The following RIC1 variants were observed in gnomAD, a reference collection of about 807,000 sequenced individuals.
RIC1 encodes guanine nucleotide exchange factor subunit RIC1.
Under a neutral mutation model 169.0 loss-of-function variants are expected in RIC1, and 88 were observed. The observed-to-expected ratio is 0.52, with a 90% CI of 0.44 to 0.62. RIC1 has a LOEUF of 0.62. Among genes scored for constraint, RIC1 ranks in the 20% least tolerant of loss-of-function variants. The pLI, the probability that RIC1 is intolerant of heterozygous loss-of-function variation, is 0.00. For synonymous variants in RIC1, 790 were observed against 601.5 expected (o/e 1.31, Z -4.59); for missense variants, 1,877 against 1,725.5 (o/e 1.09, Z -1.56).
chr9:5,664,445 C>G (rs1456031117), intron 2 of RIC1, among the ~76,000 whole-genome samples: 2 of 152,018 alleles, frequency 1.3e-5, no homozygotes, highest in Non-Finnish European at 2.9e-5. Flanking sequence ...TGGCCCCAAT[C>G]TCTTCTGGCT....
At chr9:5,671,357 C>A (rs1027898553) in intron 2 of RIC1, among the ~76,000 whole-genome samples, 6 of 151,710 alleles carry the variant, frequency 4.0e-5, no homozygotes, top group African/African-American at 1.5e-4. Context: ...TCACTGCAAC[C>A]TCCGCCTCCC....
intron 2 of RIC1, among the ~76,000 whole-genome samples, chr9:5,665,611 G>A (rs1306789820): frequency 6.6e-6 from 1 of 151,780 alleles, no homozygotes; most frequent in Non-Finnish European, 1.5e-5. Context: ...GCTGACCTTT[G>A]AATGGGGTTT....
At chr9:5,633,948 T>C (rs189386191) in intron 1 of RIC1, among the ~76,000 whole-genome samples, 1 of 152,314 alleles carries the variant, frequency 6.6e-6, no homozygotes, top group East Asian at 1.9e-4. Context: ...TCTGTTCCTA[T>C]GAATTTGACG....
At chr9:5,685,652 A>C (rs1302412707) in intron 2 of RIC1, among the ~76,000 whole-genome samples, 1 of 151,752 alleles carries the variant, frequency 6.6e-6, no homozygotes, top group Non-Finnish European at 1.5e-5. Flanking sequence ...TTTAAATGTT[A>C]GACCTAAAAC....
rs111449178 is a variant in RIC1 at position 5,697,153 on chromosome 9, G to T, written c.332+7115G>T. On this transcript the variant is annotated intron_variant, in intron 3 of 25. Transcript: ENST00000414202. ...CTGCAGGTTTCTAGAGCTTTTCTCT[G>T]TGTGGCTCCCACATCACTGGTGCTC... 5.1e-4 allele frequency among the ~76,000 whole-genome samples: 78 copies of T among 152,336 alleles called. 1 individual carries two copies. The highest frequency in any genetic ancestry group is 1.8e-3 in the African/African-American group (76 of 41,576).
chr9:5,717,869 A>T (rs1823353001), intron 4 of RIC1, among the ~76,000 whole-genome samples: 1 of 150,508 alleles, frequency 6.6e-6, no homozygotes, highest in Admixed American at 6.6e-5. Context: ...AGCCAGGCGC[A>T]GTGGCTCACG....
chr9:5,774,966 TG>T lies in RIC1; in HGVS notation c.*721del, dbSNP rs1466657020. 1 of 152,252 alleles carries T rather than the reference TG, an allele frequency of 6.6e-6. No homozygotes were observed. Among genetic ancestry groups the T allele is most frequent in the Non-Finnish European group, 1.5e-5 (1 of 68,040 alleles). 9.4% of individuals were successfully genotyped at this position (152,252 alleles called of 1,614,324 possible). ...TTTGTATTAAAGAACAGTATCTTTT[TG>T]TGAATACTCTTGTGTAAATATATTC... is the stretch of plus-strand genomic sequence containing the variant. On this transcript the variant is annotated 3_prime_UTR_variant, in exon 26 of 26. Coordinates refer to ENST00000414202, the MANE Select transcript of RIC1 (RefSeq NM_020829.4).
rs1008021088 is a variant in RIC1, at chr9:5,754,290, G to A, written c.1603-551G>A. ...ACTAAGCCCTAATGGGTGTTAGAAT[G>A]ATGATGCTATATAGCACCCAGTTAT... is the stretch of plus-strand genomic sequence containing the variant. On this transcript the variant is annotated intron_variant, in intron 14 of 25. Transcript: ENST00000414202. Among the ~76,000 whole-genome samples the A allele has an allele frequency of 1.6e-4, 24 of 152,178 alleles. 1 individual carries two copies. Among genetic ancestry groups the A allele is most frequent in the Admixed American group, 6.5e-5 (1 of 15,280 alleles).
intron 1 of RIC1, among the ~76,000 whole-genome samples, chr9:5,639,022 C>G (rs1818109531): frequency 6.6e-6 from 1 of 152,018 alleles, no homozygotes. Context: ...TTCATGTGAT[C>G]CTCCCACCTC....
intron 8 of RIC1, 115 bp from the exon 9 acceptor site, chr9:5,742,754 C>T: frequency 1.1e-6 from 1 of 912,120 alleles, no homozygotes; most frequent in South Asian, 1.7e-5. Flanking sequence ...TGGAAGCAGT[C>T]ATACCTTTCT....
chr9:5,741,453 C>G (rs889503976), intron 8 of RIC1, among the ~76,000 whole-genome samples: 1 of 152,098 alleles, frequency 6.6e-6, no homozygotes, highest in African/African-American at 2.4e-5. Context: ...ATATACATTA[C>G]ACTTTTTTCC....
chr9:5,756,447 C>G, intron 16 of RIC1, 75 bp downstream of exon 16: 3 of 1,012,034 alleles, frequency 3.0e-6, no homozygotes, highest in Non-Finnish European at 2.7e-6. Context: ...TTTGTTTTCT[C>G]AAAACAGTTA....
At chr9:5,701,530 A>G (rs904249795) in intron 3 of RIC1, among the ~76,000 whole-genome samples, 2 of 151,708 alleles carry the variant, frequency 1.3e-5, no homozygotes, top group Non-Finnish European at 2.9e-5. Context: ...GGAGGTGGAC[A>G]TTGCAGTTTG....
At chr9:5,692,665 T>C (rs1481570105) in intron 3 of RIC1, among the ~76,000 whole-genome samples, 2 of 152,016 alleles carry the variant, frequency 1.3e-5, no homozygotes, top group East Asian at 3.8e-4. Context: ...CAGAACCCAT[T>C]TGTACAATGG....
downstream of RIC1, among the ~76,000 whole-genome samples, chr9:5,777,761 A>G (rs1827668972): frequency 6.6e-6 from 1 of 152,124 alleles, no homozygotes; most frequent in Non-Finnish European, 1.5e-5. Flanking sequence ...TTTTTTTCCC[A>G]TTGTCAAAAA....
At chr9:5,731,596 CTAAAATGTCT>C (rs1824373054) in intron 6 of RIC1, among the ~76,000 whole-genome samples, 1 of 152,106 alleles carries the variant, frequency 6.6e-6, no homozygotes, top group Non-Finnish European at 1.5e-5. Flanking sequence ...AATTTATCAT[CTAAAATGTCT>C]GTGATTTGAC....
chr9:5,641,526 T>C (rs2130315235), intron 1 of RIC1, among the ~76,000 whole-genome samples: 1 of 152,298 alleles, frequency 6.6e-6, no homozygotes, highest in African/African-American at 2.4e-5. Flanking sequence ...CCGGTCTCTT[T>C]CTCTACTTCC....
chr9:5,763,059 C>G lies in RIC1; in HGVS notation c.2113-81C>G. The G allele has an allele frequency of 3.4e-6, 5 of 1,479,450 alleles. No individual in the cohort carries two copies. The highest frequency in any genetic ancestry group is 3.6e-6 in the Non-Finnish European group (4 of 1,100,564). 91.6% of individuals were successfully genotyped at this position (1,479,450 alleles called of 1,614,324 possible). On this transcript the variant is annotated intron_variant, in intron 18 of 25. Transcript: ENST00000414202. The surrounding 1 kb of genome is among the most constrained non-coding windows in gnomAD (Gnocchi z 5.2). Reference sequence around the variant, plus strand: ...AAATATTATACTATCATTTGAAAGACTTAGTAAACTAGTACCTAGGAACTT... The same window carrying G: ...AAATATTATACTATCATTTGAAAGAGTTAGTAAACTAGTACCTAGGAACTT...
intron 2 of RIC1, among the ~76,000 whole-genome samples, chr9:5,663,793 T>G (rs1266612889): frequency 6.6e-6 from 1 of 152,160 alleles, no homozygotes; most frequent in Non-Finnish European, 1.5e-5. Context: ...AATTGGAGCA[T>G]TTAGCCCATT....
Sources: allele counts gnomAD v4.1 joint callset (sites outside exome capture counted in the v4.1 genomes callset), GRCh38; gene constraint gnomAD v4.1.1; non-coding constraint Gnocchi (gnomAD v3.1); transcripts MANE v1.5; gene names NCBI Gene and HGNC (gene_info 2026-07-23, HGNC 2026-07-21).